The following CAMSAP1 variants were observed in gnomAD, a reference collection of about 807,000 sequenced individuals.
CAMSAP1 encodes the protein calmodulin-regulated spectrin-associated protein 1.
A neutral mutation model predicts 143.5 loss-of-function variants in CAMSAP1; 58 were observed. The observed-to-expected ratio is 0.40, with a 90% CI of 0.33 to 0.50. The LOEUF is 0.50. Ranked by LOEUF, CAMSAP1 falls within the 20% of genes least tolerant of loss-of-function variation. The probability of loss-of-function intolerance (pLI) is 0.45; values close to 1 mark genes in which losing one functional copy is unlikely to be tolerated. For synonymous variants in CAMSAP1, 945 were observed against 859.3 expected, an observed-to-expected ratio of 1.10 and a Z score of -1.74; for missense variants, 1,969 against 2,115.7, an observed-to-expected ratio of 0.93 and a Z score of 1.36.
At chr9:135,838,083 ACGT>A (rs1271102684) in intron 7 of CAMSAP1, among the ~76,000 whole-genome samples, 4 of 147,816 alleles carry the variant, frequency 2.7e-5, no homozygotes, top group Admixed American at 1.3e-4. Flanking sequence ...CTACAGACAC[ACGT>A]CATCACGCAC....
intron 7 of CAMSAP1, among the ~76,000 whole-genome samples, chr9:135,832,638 C>A (rs1307452086): frequency 6.6e-6 from 1 of 152,098 alleles, no homozygotes; most frequent in African/African-American, 2.4e-5. Context: ...CATAGAAAAT[C>A]CTAAAGGCTC....
intron 1 of CAMSAP1, among the ~76,000 whole-genome samples, chr9:135,890,478 G>T (rs1838257525): frequency 6.6e-6 from 1 of 152,148 alleles, no homozygotes; most frequent in South Asian, 2.1e-4. Flanking sequence ...AGGAGAGGTG[G>T]TAAAGACGGC....
Position 135,826,249 on chromosome 9 carries a change from G to C in CAMSAP1, c.1223+1158C>G, listed in dbSNP as rs1218750141. On this transcript the variant is annotated intron_variant, in intron 8 of 16. Coordinates refer to ENST00000389532, the MANE Select transcript of CAMSAP1 (RefSeq NM_015447.4). This position sits in a 1 kb window ranked among gnomAD's most constrained non-coding sequence, Gnocchi z 4.4. ...AACAGACACGCAAAGACCGAAGGGA[G>C]GACGCCAAGTGTCCACGCTGGCCCC... is the stretch of plus-strand genomic sequence containing the variant. 6.6e-6 allele frequency: 1 copy of C among 152,406 alleles called. No individual in the cohort carries two copies. The highest frequency in any genetic ancestry group is 1.5e-5 in the Non-Finnish European group (1 of 68,200). 9.4% of individuals were successfully genotyped at this position (152,406 alleles called of 1,614,324 possible).
chr9:135,814,023 G>A (rs1447955692), intron 16 of CAMSAP1, among the ~76,000 whole-genome samples: 1 of 152,136 alleles, frequency 6.6e-6, no homozygotes, highest in Non-Finnish European at 1.5e-5. Context: ...GCCCTGGGTC[G>A]ACTCCACACT....
chr9:135,830,156 T>C (rs1835810781), intron 7 of CAMSAP1, among the ~76,000 whole-genome samples: 1 of 151,928 alleles, frequency 6.6e-6, no homozygotes, highest in East Asian at 1.9e-4. Flanking sequence ...GACAAAGACA[T>C]GCAAAAGAAC....
In CAMSAP1 at chr9:135,818,048, G is replaced by A; in HGVS notation, c.4200C>T (p.Ser1400=). ...TCGCCGCAGAGGCCAAGGACAGGCT[G>A]GAGCCTGACTGAGTCCGGCTCAAGT... ...PDNLSRTQSG[S]SLSLASAATT... is the part of the protein sequence containing the mutation. The change falls in exon 14 of 17, where the codon TCC becomes TCT. Residue 1400 remains serine (S), a synonymous_variant. Transcript: ENST00000389532. This position sits in a 1 kb window ranked among gnomAD's most constrained non-coding sequence, Gnocchi z 7.7. The A allele has an allele frequency of 6.2e-7, 1 of 1,613,862 alleles. No homozygotes were observed.
At chr9:135,864,578 A>T (rs957377428) in intron 4 of CAMSAP1, among the ~76,000 whole-genome samples, 12 of 152,312 alleles carry the variant, frequency 7.9e-5, no homozygotes, top group Non-Finnish European at 1.3e-4. Flanking sequence ...GAAAGGCACC[A>T]CTGGCACCAA....
intron 1 of CAMSAP1, among the ~76,000 whole-genome samples, chr9:135,890,106 G>A (rs541978316): frequency 1.3e-5 from 2 of 152,228 alleles, no homozygotes; most frequent in Admixed American, 1.3e-4. Context: ...GTAAGCCCCC[G>A]TGGCAGACAC....
Position 135,821,398 on chromosome 9 carries a change from CGGTG to C in CAMSAP1, c.3259_3262del (p.His1087AlafsTer20). ...GCCTTGACCCAGCCGGGGGGCTTTGCGGTGGCCAGCCACGCCCGTGGGAGAGAGT... is the reference window on the plus strand; with the variant it reads ...GCCTTGACCCAGCCGGGGGGCTTTGCGCCAGCCACGCCCGTGGGAGAGAGT... On this transcript the variant is annotated frameshift_variant, in exon 11 of 17. Transcript: ENST00000389532. LOFTEE classifies it high-confidence loss of function. This position sits in a 1 kb window ranked among gnomAD's most constrained non-coding sequence, Gnocchi z 4.6. 1 of 1,613,784 alleles carries C rather than the reference CGGTG, an allele frequency of 6.2e-7. No homozygotes were observed. Among genetic ancestry groups the C allele is most frequent in the East Asian group, 2.2e-5 (1 of 44,872 alleles).
intron 5 of CAMSAP1, among the ~76,000 whole-genome samples, chr9:135,854,416 C>A (rs925103905): frequency 2.0e-5 from 3 of 152,042 alleles, no homozygotes; most frequent in Admixed American, 1.3e-4. Flanking sequence ...TACATATTCT[C>A]TAGAACTTTG....
intron 1 of CAMSAP1, among the ~76,000 whole-genome samples, chr9:135,900,210 G>C (rs553240157): frequency 1.3e-5 from 2 of 152,052 alleles, no homozygotes; most frequent in South Asian, 2.1e-4. Context: ...GTTCTTTGTA[G>C]AGACAGTCTC....
At chr9:135,869,818 G>A (rs866735855) in intron 3 of CAMSAP1, among the ~76,000 whole-genome samples, 16 of 152,254 alleles carry the variant, frequency 1.1e-4, no homozygotes, top group South Asian at 8.3e-4. Flanking sequence ...AAAACGAGGC[G>A]TAAGCACACA....
At chr9:135,815,247 T>A (rs1293889491) in intron 15 of CAMSAP1, 32 bp from the exon 16 acceptor site, 1 of 1,477,190 alleles carries the variant, frequency 6.8e-7, no homozygotes, top group Non-Finnish European at 9.3e-7. Context: ...GGTAAAATTA[T>A]TATTTTAAGG....
At chr9:135,889,654 C>T (rs912315220) in intron 1 of CAMSAP1, among the ~76,000 whole-genome samples, 3 of 152,218 alleles carry the variant, frequency 2.0e-5, no homozygotes, top group African/African-American at 4.8e-5. Context: ...ATCTCATGAG[C>T]GCAGTGACAG....
In CAMSAP1 at chr9:135,822,949, G is replaced by C. The variant is rs759137673; in HGVS notation, c.1712C>G (p.Ala571Gly). ...RASPRALGLT[A>G]NARSPQGQLD... ...CTGTCCTTGGGGAGACCGGGCATTT[G>C]CTGTAAGGCCTAAGGCCCGGGGTGA... The change falls in exon 11 of 17, where the codon GCA becomes GGA. Residue 571 changes from alanine to glycine, a missense_variant. Coordinates refer to ENST00000389532, the MANE Select transcript of CAMSAP1 (RefSeq NM_015447.4). This position sits in a 1 kb window ranked among gnomAD's most constrained non-coding sequence, Gnocchi z 6.1. 37 of 1,613,872 alleles carry C rather than the reference G, an allele frequency of 2.3e-5. 1 individual carries two copies. The Middle Eastern group carries it at 4.9e-4, about 22-fold the overall frequency.
intron 1 of CAMSAP1, among the ~76,000 whole-genome samples, chr9:135,893,431 G>C (rs1289070645): frequency 6.6e-6 from 1 of 151,722 alleles, no homozygotes. Context: ...AAGAAGAAAA[G>C]GAAAACAAAA....
At chr9:135,858,990 G>A (rs1351039944) in intron 5 of CAMSAP1, among the ~76,000 whole-genome samples, 1 of 152,172 alleles carries the variant, frequency 6.6e-6, no homozygotes, top group Non-Finnish European at 1.5e-5. Flanking sequence ...ATCTCCCCTG[G>A]AAACACCCTC....
intron 7 of CAMSAP1, among the ~76,000 whole-genome samples, chr9:135,829,887 A>ATAAATAAC (rs1554790073): frequency 2.0e-5 from 3 of 149,538 alleles, no homozygotes; most frequent in Admixed American, 6.7e-5. Context: ...AAATAAATAA[A>ATAAATAAC]TAACAATAAG....
rs781176679 is a variant in CAMSAP1, at chr9:135,815,191, C to G, written c.4412G>C (p.Ser1471Thr). 33 of 1,613,358 alleles carry G rather than the reference C, an allele frequency of 2.0e-5. No homozygotes were observed. The Admixed American group carries it at 5.3e-4, about 26-fold the overall frequency. The change falls in exon 16 of 17, where the codon AGT (serine) becomes ACT (threonine). Residue 1471 changes from serine (S) to threonine (T), a missense_variant. Physicochemically the swap from Ser to Thr is moderately conservative, Grantham distance 58. Around this residue, in one of 4 missense-constraint regions of CAMSAP1, gnomAD observed 143 missense variants for 200.6 expected, o/e 0.71. Coordinates refer to ENST00000389532, the MANE Select transcript of CAMSAP1 (RefSeq NM_015447.4). Reference protein sequence around the residue: ...YTGPKLFKEPSSKSNKPIIHN... With the variant: ...YTGPKLFKEPTSKSNKPIIHN... ...AATAATCGGCTTGTTTGATTTACTA[C>G]TGGGCTCCTTAAAGAGCTTGGGACC...
Sources: gnomAD v4.1 joint callset for allele counts (sites outside exome capture counted in the v4.1 genomes callset) on GRCh38, gnomAD v4.1.1 for gene constraint, gnomAD v4.1.1 regional missense constraint, Gnocchi (gnomAD v3.1) non-coding constraint, MANE v1.5 for transcripts, NCBI Gene and HGNC (gene_info 2026-07-23, HGNC 2026-07-21) for gene names.